Variants in NAB1 observed in about 807,000 individuals in gnomAD.
NAB1 encodes NGFI-A binding protein 1, also known as NGFI-A-binding protein 1.
In NAB1, 25 loss-of-function variants were observed where a neutral mutation model predicts 49.9. The observed-to-expected ratio is 0.50, with a 90% confidence interval of 0.37 to 0.70. The LOEUF (loss-of-function observed/expected upper bound fraction) is 0.70, where lower values mean the gene tolerates loss of function less well. Ranked by LOEUF, NAB1 falls within the 30% of genes least tolerant of loss-of-function variation. The pLI is 0.00. For missense variants in NAB1, 489 were observed against 575.9 expected, an observed-to-expected ratio of 0.85 and a Z score of 1.54; for synonymous variants, 198 against 215.6, an observed-to-expected ratio of 0.92 and a Z score of 0.71.
rs557922599 is a variant in NAB1 at position 190,670,756 on chromosome 2, TAGTC to T, written c.953+300_953+303del. Among the ~76,000 whole-genome samples, 3 of 152,194 alleles carry T rather than the reference TAGTC, an allele frequency of 2.0e-5. No individual in the cohort carries two copies. The highest frequency in any genetic ancestry group is 2.9e-5 in the Non-Finnish European group (2 of 68,030). ...TGGTTTTGAGTGTGACGAGGGGATT[TAGTC>T]AGACAGCATTTATAGACGTATTTGT... On this transcript the variant is annotated intron_variant, in intron 5 of 9. Coordinates refer to ENST00000337386, the MANE Select transcript of NAB1 (RefSeq NM_005966.4). This position sits in a 1 kb window ranked among gnomAD's most constrained non-coding sequence, Gnocchi z 5.3.
intron 3 of NAB1, chr2:190,658,932 T>G (rs905764989): frequency 2.0e-5 from 8 of 392,176 alleles, no homozygotes; most frequent in Admixed American, 4.1e-5. Flanking sequence ...GATTCCTGCT[T>G]ACCATTTATT....
Position 190,691,493 on chromosome 2 carries a change from T to C in NAB1, c.*1160T>C, listed in dbSNP as rs930920834. On this transcript the variant is annotated 3_prime_UTR_variant, in exon 10 of 10. Transcript: ENST00000337386. This position sits in a 1 kb window ranked among gnomAD's most constrained non-coding sequence, Gnocchi z 4.1. ...TGCAGTTTTTTCTTAAAATTTATTT[T>C]AACTTGACAGTATGTTTTTAGTTCC... is the stretch of plus-strand genomic sequence containing the variant. 2 of 152,210 alleles carry C rather than the reference T, an allele frequency of 1.3e-5. No individual in the cohort carries two copies. The highest frequency in any genetic ancestry group is 2.9e-5 in the Non-Finnish European group (2 of 68,010). The allele number at this position is 152,210 out of a possible 1,614,324, so 9.4% of individuals were successfully genotyped here.
At position 190,659,138 on chromosome 2, in the gene NAB1, T is replaced by G; in HGVS notation, c.-19-20T>G. 1.1e-6 allele frequency: 1 copy of G among 902,968 alleles called. No homozygotes were observed. The highest frequency in any genetic ancestry group is 1.5e-6 in the Non-Finnish European group (1 of 668,208). The allele number at this position is 902,968 out of a possible 1,614,324, so 55.9% of individuals were successfully genotyped here. A position where few individuals can be genotyped will look rare whatever the true frequency, so the allele number is the denominator to read the frequency against. On this transcript the variant is annotated intron_variant, in intron 3 of 9. Coordinates refer to ENST00000337386, the MANE Select transcript of NAB1 (RefSeq NM_005966.4). The surrounding 1 kb of genome is among the most constrained non-coding windows in gnomAD (Gnocchi z 6.2). Reference sequence around the variant, plus strand: ...GAAGCAAGTATGATGAGTTTTTACTTTTTTTTTTTTTTTTGGCAGGTTAAA... The same window carrying G: ...GAAGCAAGTATGATGAGTTTTTACTGTTTTTTTTTTTTTTGGCAGGTTAAA...
Position 190,692,368 on chromosome 2 carries a change from TAA to T in NAB1, c.*2036_*2037del, listed in dbSNP as rs1258098830. The T allele has an allele frequency of 6.6e-6, 1 of 152,662 alleles. No individual in the cohort carries two copies. The highest frequency in any genetic ancestry group is 1.5e-5 in the Non-Finnish European group (1 of 68,040). The allele number at this position is 152,662 out of a possible 1,614,324, so 9.5% of individuals were successfully genotyped here. A position where few individuals can be genotyped will look rare whatever the true frequency, so the allele number is the denominator to read the frequency against. On this transcript the variant is annotated 3_prime_UTR_variant, in exon 10 of 10. Coordinates refer to ENST00000337386, the MANE Select transcript of NAB1 (RefSeq NM_005966.4). The surrounding 1 kb of genome is among the most constrained non-coding windows in gnomAD (Gnocchi z 5.2). ...ACAGATTGCATCTTTAAATTCATAA[TAA>T]GTTTCCTTAACTATCTTATGTTTCT...
chr2:190,674,961 G>A lies in NAB1; in HGVS notation c.1005+1809G>A, dbSNP rs1169658606. 6.6e-6 allele frequency among the ~76,000 whole-genome samples: 1 copy of A among 152,168 alleles called. No homozygotes were observed. Among genetic ancestry groups the A allele is most frequent in the Non-Finnish European group, 1.5e-5 (1 of 68,044 alleles). ...AATAATGTTTAAGATGGTTAACTCA[G>A]AAAATGTTGAAATTATCTAAAAGGC... On this transcript the variant is annotated intron_variant, in intron 6 of 9. Transcript: ENST00000337386. This position sits in a 1 kb window ranked among gnomAD's most constrained non-coding sequence, Gnocchi z 5.7.
chr2:190,654,695 T>G lies in NAB1; in HGVS notation c.-196-1282T>G, dbSNP rs563174450. Reference sequence around the variant, plus strand: ...GTTCGCAAATCTGTAAACTTGGCATTGCAGTGTGGGATCTATTGAAGGTGA... The same window carrying G: ...GTTCGCAAATCTGTAAACTTGGCATGGCAGTGTGGGATCTATTGAAGGTGA... On this transcript the variant is annotated intron_variant, in intron 2 of 9. Transcript: ENST00000337386. The surrounding 1 kb of genome is among the most constrained non-coding windows in gnomAD (Gnocchi z 5.6). Among the ~76,000 whole-genome samples the G allele has an allele frequency of 7.3e-4, 111 of 152,258 alleles. No individual in the cohort carries two copies. The highest frequency in any genetic ancestry group is 3.4e-3 in the Middle Eastern group (1 of 294).
chr2:190,682,154 A>C lies in NAB1; in HGVS notation c.1006-1584A>C, dbSNP rs1695380480. ...TATAAAATGGAAGTAATTTAAGTTG[A>C]AGTTTTATCCAGTGCCCCCAGATAG... On this transcript the variant is annotated intron_variant, in intron 6 of 9. Transcript: ENST00000337386. The surrounding 1 kb of genome is among the most constrained non-coding windows in gnomAD (Gnocchi z 4.1). Among the ~76,000 whole-genome samples, 1 of 152,222 alleles carries C rather than the reference A, an allele frequency of 6.6e-6. No homozygotes were observed. The highest frequency in any genetic ancestry group is 1.5e-5 in the Non-Finnish European group (1 of 68,024).
rs151149824 is a variant in NAB1 at position 190,688,748 on chromosome 2, G to A, written c.1375+1431G>A. Among the ~76,000 whole-genome samples the A allele has an allele frequency of 5.3e-5, 8 of 152,080 alleles. No homozygotes were observed. The East Asian group carries it at 9.6e-4, about 18-fold the overall frequency. The stretch of plus-strand genomic sequence containing the variant: ...CGAATGAAGAAATGCCTGAAAAAGC[G>A]TCTTTCTTTCTCTTTTTCTTTCTTT... On this transcript the variant is annotated intron_variant, in intron 9 of 9. Coordinates refer to ENST00000337386, the MANE Select transcript of NAB1 (RefSeq NM_005966.4).
Position 190,676,252 on chromosome 2 carries a change from CAG to C in NAB1, c.1005+3103_1005+3104del, listed in dbSNP as rs745808450. Among the ~76,000 whole-genome samples, 8 of 152,184 alleles carry C rather than the reference CAG, an allele frequency of 5.3e-5. No individual in the cohort carries two copies. In the South Asian group the frequency reaches 6.2e-4, roughly 12 times the overall value. The stretch of plus-strand genomic sequence containing the variant: ...AAAGATAGACTAGCATGGGCAAAGA[CAG>C]AGGTAAGAAAATACTAAGCATGTTC... On this transcript the variant is annotated intron_variant, in intron 6 of 9. Transcript: ENST00000337386. This position sits in a 1 kb window ranked among gnomAD's most constrained non-coding sequence, Gnocchi z 4.6.
At position 190,686,000 on chromosome 2, in the gene NAB1, A is replaced by C. The variant is rs1695587026; in HGVS notation, c.1258+362A>C. The stretch of plus-strand genomic sequence containing the variant: ...AACTTCATATTTTTTTAGACTTCAA[A>C]AACAAGTTTGTGAAATTTACAGCAT... On this transcript the variant is annotated intron_variant, in intron 8 of 9. Coordinates refer to ENST00000337386, the MANE Select transcript of NAB1 (RefSeq NM_005966.4). The surrounding 1 kb of genome is among the most constrained non-coding windows in gnomAD (Gnocchi z 4.5). Among the ~76,000 whole-genome samples, 1 of 152,200 alleles carries C rather than the reference A, an allele frequency of 6.6e-6. No homozygotes were observed. Among genetic ancestry groups the C allele is most frequent in the Non-Finnish European group, 1.5e-5 (1 of 68,046 alleles).
chr2:190,650,118 G>A (rs1693583051), intron 2 of NAB1, 136 bp downstream of exon 2: 1 of 152,228 alleles, frequency 6.6e-6, no homozygotes, highest in African/African-American at 2.4e-5. Flanking sequence ...GGATCTCGGG[G>A]AAAGGGATAG....
Position 190,680,775 on chromosome 2 carries a change from T to C in NAB1, c.1006-2963T>C, listed in dbSNP as rs1695301418. 6.6e-6 allele frequency among the ~76,000 whole-genome samples: 1 copy of C among 152,270 alleles called. No homozygotes were observed. The highest frequency in any genetic ancestry group is 2.1e-4 in the South Asian group (1 of 4,836). ...ACTTTGTAATTGTCCATAAAATTTC[T>C]CTTTTTTCCCCAGTATGATGCTTTA... On this transcript the variant is annotated intron_variant, in intron 6 of 9. Coordinates refer to ENST00000337386, the MANE Select transcript of NAB1 (RefSeq NM_005966.4). The surrounding 1 kb of genome is among the most constrained non-coding windows in gnomAD (Gnocchi z 5.2).
chr2:190,668,740 A>G (rs1694651065), intron 4 of NAB1, among the ~76,000 whole-genome samples: 1 of 152,172 alleles, frequency 6.6e-6, no homozygotes, highest in Admixed American at 6.5e-5. Context: ...TATTCTAAAT[A>G]AAGATGAGAT....
rs777897363 is a variant in NAB1, at chr2:190,679,457, G to C, written c.1006-4281G>C. 6.6e-6 allele frequency among the ~76,000 whole-genome samples: 1 copy of C among 152,148 alleles called. No individual in the cohort carries two copies. The highest frequency in any genetic ancestry group is 2.4e-5 in the African/African-American group (1 of 41,430). On this transcript the variant is annotated intron_variant, in intron 6 of 9. Coordinates refer to ENST00000337386, the MANE Select transcript of NAB1 (RefSeq NM_005966.4). The surrounding 1 kb of genome is among the most constrained non-coding windows in gnomAD (Gnocchi z 5.3). ...ATTTATCTTTATTAATGGTGGAATA[G>C]TGTCCATTTTCTAGCAACTTTCACA...
chr2:190,656,282 G>T (rs1452503257), intron 3 of NAB1, 129 bp downstream of exon 3: 1 of 152,162 alleles, frequency 6.6e-6, no homozygotes, highest in East Asian at 1.9e-4. Context: ...TGACTTATTT[G>T]ACCTTCATGT....
At position 190,677,674 on chromosome 2, in the gene NAB1, A is replaced by T. The variant is rs1198457466; in HGVS notation, c.1005+4522A>T. 2.0e-5 allele frequency among the ~76,000 whole-genome samples: 3 copies of T among 152,174 alleles called. No individual in the cohort carries two copies. Among genetic ancestry groups the T allele is most frequent in the African/African-American group, 7.2e-5 (3 of 41,444 alleles). ...ACATTTGGAATTCATTATCACAAAC[A>T]TTCTTGTCTAACCTATGTGGAGGCT... On this transcript the variant is annotated intron_variant, in intron 6 of 9. Transcript: ENST00000337386. This position sits in a 1 kb window ranked among gnomAD's most constrained non-coding sequence, Gnocchi z 5.6.
chr2:190,685,432 T>C lies in NAB1; in HGVS notation c.1096-44T>C. ...GGCATCTTTAAACCATTAAAAAATC[T>C]AGAATGTTTCAGTTACTGATTTGAT... On this transcript the variant is annotated intron_variant, in intron 7 of 9. Transcript: ENST00000337386. The surrounding 1 kb of genome is among the most constrained non-coding windows in gnomAD (Gnocchi z 4.5). 6.5e-7 allele frequency: 1 copy of C among 1,528,914 alleles called. No individual in the cohort carries two copies. Among genetic ancestry groups the C allele is most frequent in the Non-Finnish European group, 8.8e-7 (1 of 1,135,402 alleles). 94.7% of individuals were successfully genotyped at this position (1,528,914 alleles called of 1,614,324 possible).
At chr2:190,688,527 CA>C (rs1257570921) in intron 9 of NAB1, among the ~76,000 whole-genome samples, 7 of 150,742 alleles carry the variant, frequency 4.6e-5, no homozygotes, top group African/African-American at 1.7e-4. Context: ...TTCCATAACA[CA>C]AAAAAAGTGA....
chr2:190,660,721 C>T (rs1409287696), intron 4 of NAB1, among the ~76,000 whole-genome samples: 2 of 152,018 alleles, frequency 1.3e-5, no homozygotes, highest in African/African-American at 2.4e-5. Context: ...GTAGAATGAC[C>T]GTTCCTTTCC....
Sources: gnomAD v4.1 joint callset for allele counts (sites outside exome capture counted in the v4.1 genomes callset) on GRCh38, gnomAD v4.1.1 for gene constraint, Gnocchi (gnomAD v3.1) non-coding constraint, MANE v1.5 for transcripts, NCBI Gene and HGNC (gene_info 2026-07-23, HGNC 2026-07-21) for gene names.